The following C12orf42 variants were observed in gnomAD, a reference collection of about 807,000 sequenced individuals.
C12orf42 encodes the protein uncharacterized protein C12orf42.
C12orf42 carries 25 observed loss-of-function variants against 21.6 expected under a neutral mutation model. That is an observed-to-expected ratio of 1.16 (90% CI 0.84 to 1.62). The LOEUF (loss-of-function observed/expected upper bound fraction) is 1.62, where lower values mean the gene tolerates loss of function less well. Among genes scored for constraint, C12orf42 ranks in the 40% most tolerant of loss-of-function variants. The pLI, the probability that C12orf42 is intolerant of heterozygous loss-of-function variation, is 0.00. For synonymous variants in C12orf42, 174 were observed against 175.0 expected (o/e 0.99, Z 0.05); for missense variants, 483 against 459.3 (o/e 1.05, Z -0.47).
chr12:103,467,517 A>G (rs752800776), intron 2 of C12orf42, among the ~76,000 whole-genome samples: 1 of 152,104 alleles, frequency 6.6e-6, no homozygotes, highest in Non-Finnish European at 1.5e-5. Context: ...CAGATTCCTG[A>G]TGGTAGGAGT....
At chr12:103,529,686 C>G in the C12orf42 span, among the ~76,000 whole-genome samples, 1 of 152,180 alleles carries the variant, frequency 6.6e-6, no homozygotes, top group Non-Finnish European at 1.5e-5. Context: ...CTTCAGAAAC[C>G]TGGCAGCTGT....
the C12orf42 span, among the ~76,000 whole-genome samples, chr12:103,048,404 T>C: frequency 5.9e-5 from 9 of 152,090 alleles, no homozygotes; most frequent in Admixed American, 1.3e-4. Context: ...AGATTTAGCC[T>C]ACATGGGGGG....
chr12:103,366,249 T>C (rs4764957), intron 4 of C12orf42, among the ~76,000 whole-genome samples: 22,340 of 151,918 alleles, frequency 0.15, 2,472 homozygotes, highest in African/African-American at 0.32. Context: ...GCTGGGATAA[T>C]TGGGAAGCCA....
chr12:103,206,462 G>A, the C12orf42 span, among the ~76,000 whole-genome samples: 1 of 151,918 alleles, frequency 6.6e-6, no homozygotes, highest in African/African-American at 2.4e-5. Flanking sequence ...TATTTTGAGT[G>A]GTAGTTGCAT....
At chr12:103,476,541 A>G (rs1239651184) in intron 2 of C12orf42, among the ~76,000 whole-genome samples, 2 of 152,230 alleles carry the variant, frequency 1.3e-5, no homozygotes, top group Non-Finnish European at 2.9e-5. Context: ...CCTGATAGCC[A>G]AGAGGCCAAA....
the C12orf42 span, among the ~76,000 whole-genome samples, chr12:103,200,454 A>T: frequency 0.035 from 5,387 of 152,312 alleles, 111 homozygotes; most frequent in Admixed American, 0.054. Flanking sequence ...CATATATGCC[A>T]TAAAAGGGTA....
chr12:103,225,471 GGAT>G, the C12orf42 span, among the ~76,000 whole-genome samples: 1 of 152,070 alleles, frequency 6.6e-6, no homozygotes, highest in African/African-American at 2.4e-5. Context: ...AGATGGTAAG[GGAT>G]GCATGATCGG....
the C12orf42 span, among the ~76,000 whole-genome samples, chr12:103,165,088 A>G: frequency 1.5e-4 from 23 of 152,342 alleles, no homozygotes; most frequent in South Asian, 1.0e-3. Flanking sequence ...GGTCACACAC[A>G]TAGTCTGTGT....
chr12:103,066,369 C>T, the C12orf42 span, among the ~76,000 whole-genome samples: 2 of 152,130 alleles, frequency 1.3e-5, no homozygotes, highest in Non-Finnish European at 2.9e-5. Context: ...GGCTCAAATG[C>T]CCGTGGTCTC....
chr12:103,475,433 T>A (rs1953974500), intron 2 of C12orf42, among the ~76,000 whole-genome samples: 1 of 152,236 alleles, frequency 6.6e-6, no homozygotes, highest in Non-Finnish European at 1.5e-5. Flanking sequence ...TGAGGCCCAA[T>A]CTGATTGTTA....
At chr12:103,397,842 A>G (rs1270516855) in intron 3 of C12orf42, 1 of 152,172 alleles carries the variant, frequency 6.6e-6, no homozygotes, top group Non-Finnish European at 1.5e-5. Context: ...ATACATTTTA[A>G]TGTTCATTAC....
the C12orf42 span, among the ~76,000 whole-genome samples, chr12:103,068,592 G>C: frequency 1.5e-4 from 23 of 152,002 alleles, no homozygotes; most frequent in South Asian, 4.8e-3. Flanking sequence ...GAGTCAGTGG[G>C]CTGGGAAAGG....
In C12orf42 at chr12:103,480,590, T is replaced by A. The variant is rs187210149; in HGVS notation, c.-21-2143A>T. Among the ~76,000 whole-genome samples, 112 of 151,886 alleles carry A rather than the reference T, an allele frequency of 7.4e-4. 1 individual carries two copies. The highest frequency in any genetic ancestry group is 2.3e-3 in the African/African-American group (94 of 41,572). On this transcript the variant is annotated intron_variant, in intron 1 of 5. Coordinates refer to ENST00000548883, the MANE Select transcript of C12orf42 (RefSeq NM_198521.5). ...AGTGTATTTTCTTCTAATACTACTT[T>A]CCCTGCCTCCAATGTTTTGAAATAT...
downstream of C12orf42, chr12:103,267,499 T>C (rs1180775258): frequency 6.6e-6 from 1 of 152,182 alleles, no homozygotes; most frequent in Non-Finnish European, 1.5e-5. Flanking sequence ...TATATGTATG[T>C]CAATTTGTGT....
Position 103,408,662 on chromosome 12 carries a change from G to A in C12orf42, c.79-6987C>T, listed in dbSNP as rs77914874. The stretch of plus-strand genomic sequence containing the variant: ...ATTTCAGAAGCCCAAGAGTAACAAT[G>A]GGAAAATGGATTTTTAACCTATAGA... On this transcript the variant is annotated intron_variant, in intron 2 of 5. Coordinates refer to ENST00000548883, the MANE Select transcript of C12orf42 (RefSeq NM_198521.5). 1.0e-2 allele frequency among the ~76,000 whole-genome samples: 1,520 copies of A among 152,264 alleles called. 137 individuals carry two copies. The East Asian group carries it at 0.2, about 20-fold the overall frequency.
At chr12:103,328,785 G>A (rs1378256515) in intron 4 of C12orf42, among the ~76,000 whole-genome samples, 1 of 152,224 alleles carries the variant, frequency 6.6e-6, no homozygotes, top group Non-Finnish European at 1.5e-5. Flanking sequence ...AGCTGAGGAA[G>A]GGAGTCTGTC....
intron 10 of C12orf42, among the ~76,000 whole-genome samples, chr12:103,261,880 T>G (rs1379544578): frequency 1.3e-5 from 2 of 152,080 alleles, no homozygotes; most frequent in Non-Finnish European, 2.9e-5. Context: ...GATGAAGAAA[T>G]TTTGCTAGGG....
intron 3 of C12orf42, among the ~76,000 whole-genome samples, chr12:103,373,655 A>G (rs1232197833): frequency 6.6e-6 from 1 of 152,232 alleles, no homozygotes; most frequent in Non-Finnish European, 1.5e-5. Context: ...GTCCCACATG[A>G]TCATGAAAAA....
intron 5 of C12orf42, among the ~76,000 whole-genome samples, chr12:103,271,209 G>T (rs377076934): frequency 6.6e-6 from 1 of 152,114 alleles, no homozygotes; most frequent in Non-Finnish European, 1.5e-5. Flanking sequence ...AAGGTGTGTC[G>T]TGTGCACCCT....
Sources: allele counts gnomAD v4.1 joint callset (sites outside exome capture counted in the v4.1 genomes callset), GRCh38; gene constraint gnomAD v4.1.1; transcripts MANE v1.5; gene names NCBI Gene and HGNC (gene_info 2026-07-23, HGNC 2026-07-21).